LEPROT: variants seen among roughly 807,000 people sequenced by gnomAD.
LEPROT encodes the protein leptin receptor gene-related protein.
Under a neutral mutation model 15.4 loss-of-function variants are expected in LEPROT, and 3 were observed. The observed-to-expected ratio is 0.19, with a 90% CI of 0.09 to 0.50. The LOEUF (loss-of-function observed/expected upper bound fraction) is 0.50, where lower values mean the gene tolerates loss of function less well. Ranked by LOEUF, LEPROT falls within the 20% of genes least tolerant of loss-of-function variation. The probability of loss-of-function intolerance (pLI) is 0.97; values close to 1 mark genes in which losing one functional copy is unlikely to be tolerated. For missense variants in LEPROT, 137 were observed against 162.2 expected, an observed-to-expected ratio of 0.84 and a Z score of 0.84; for synonymous variants, 59 against 57.5, an observed-to-expected ratio of 1.03 and a Z score of -0.12.
intron 1 of LEPROT, chr1:65,421,378 T>C: frequency 3.9e-6 from 6 of 1,536,092 alleles, no homozygotes; most frequent in Non-Finnish European, 5.2e-6. Context: ...GGGCAGTTGG[T>C]AAAAACACCG....
At chr1:65,430,163 T>C (rs1646458759) in intron 3 of LEPROT, 115 bp downstream of exon 3, 7 of 924,974 alleles carry the variant, frequency 7.6e-6, no homozygotes, top group Non-Finnish European at 9.0e-6. Flanking sequence ...AGGCCGTGTG[T>C]TTTTAGTTTC....
chr1:65,425,188 T>C (rs1418426011), intron 1 of LEPROT, 115 bp from the exon 2 acceptor site: 1 of 789,734 alleles, frequency 1.3e-6, no homozygotes, highest in Admixed American at 2.7e-5. Flanking sequence ...GAAAATTTAC[T>C]CATCCGCCAA....
intron 3 of LEPROT, among the ~76,000 whole-genome samples, chr1:65,430,802 A>G (rs1042463537): frequency 6.6e-6 from 1 of 151,806 alleles, no homozygotes; most frequent in Non-Finnish European, 1.5e-5. Context: ...CTGGGTAAGT[A>G]TACTATAAGT....
Position 65,433,381 on chromosome 1 carries a change from ATCCTGTAATCACAGTTT to A in LEPROT, c.*1466_*1482del. The A allele has an allele frequency of 1.0e-6, 1 of 985,430 alleles. No individual in the cohort carries two copies. Among genetic ancestry groups the A allele is most frequent in the Non-Finnish European group, 1.2e-6 (1 of 829,936 alleles). 61.0% of individuals were successfully genotyped at this position (985,430 alleles called of 1,614,324 possible). A position where few individuals can be genotyped will look rare whatever the true frequency, so the allele number is the denominator to read the frequency against. On this transcript the variant is annotated 3_prime_UTR_variant, in exon 4 of 4. Transcript: ENST00000371065. ...TCATTGGGTATACCTGTCATGTTGG[ATCCTGTAATCACAGTTT>A]TCCCTGCTCACCTTTTTGTCTAAGA...
intron 2 of LEPROT, among the ~76,000 whole-genome samples, 182 bp downstream of exon 2, chr1:65,425,560 T>C (rs898607150): frequency 3.9e-5 from 6 of 152,186 alleles, no homozygotes; most frequent in Non-Finnish European, 8.8e-5. Flanking sequence ...TGTTAAAAAT[T>C]GATGTATTCA....
rs1458602720 is a variant in LEPROT, at chr1:65,434,583, G to T, written c.*2664G>T. 1 of 985,426 alleles carries T rather than the reference G, an allele frequency of 1.0e-6. No individual in the cohort carries two copies. Among genetic ancestry groups the T allele is most frequent in the Non-Finnish European group, 1.2e-6 (1 of 829,942 alleles). The allele number at this position is 985,426 out of a possible 1,614,324, so 61.0% of individuals were successfully genotyped here. ...ATACCTAACCTGTGATACTGAAGGT[G>T]CCTGCCTGAGTTTTGGGTCTCTGAG... On this transcript the variant is annotated 3_prime_UTR_variant, in exon 4 of 4. Coordinates refer to ENST00000371065, the MANE Select transcript of LEPROT (RefSeq NM_017526.5).
intron 2 of LEPROT, among the ~76,000 whole-genome samples, chr1:65,426,721 A>G (rs1646379960): frequency 1.3e-5 from 2 of 152,200 alleles, no homozygotes; most frequent in Non-Finnish European, 2.9e-5. Context: ...TGATTAGGCC[A>G]GGCACCATGG....
intron 2 of LEPROT, among the ~76,000 whole-genome samples, chr1:65,426,756 T>C (rs1456984110): frequency 6.6e-6 from 1 of 152,180 alleles, no homozygotes; most frequent in African/African-American, 2.4e-5. Context: ...CCCAGCACTT[T>C]GGGAGGCTGA....
intron 3 of LEPROT, among the ~76,000 whole-genome samples, chr1:65,431,072 C>T (rs561170776): frequency 6.6e-6 from 1 of 152,292 alleles, no homozygotes; most frequent in African/African-American, 2.4e-5. Flanking sequence ...TGGTCTTGAA[C>T]CCCATGCCAG....
At position 65,434,644 on chromosome 1, in the gene LEPROT, G is replaced by T. The variant is rs570673588; in HGVS notation, c.*2725G>T. On this transcript the variant is annotated 3_prime_UTR_variant, in exon 4 of 4. Transcript: ENST00000371065. ...GTGAGTAGTTTGGAGGAAGGACAGT[G>T]CAACTTTCCACCCCTTTTCCTAAGA... The T allele has an allele frequency of 2.3e-5, 23 of 985,390 alleles. 2 individuals carry two copies. The South Asian group carries it at 1.0e-3, about 44-fold the overall frequency. 61.0% of individuals were successfully genotyped at this position (985,390 alleles called of 1,614,324 possible).
At position 65,432,541 on chromosome 1, in the gene LEPROT, TCTGGGTGTTAC is replaced by T. The variant is rs1223124129; in HGVS notation, c.*626_*636del. On this transcript the variant is annotated 3_prime_UTR_variant, in exon 4 of 4. Coordinates refer to ENST00000371065, the MANE Select transcript of LEPROT (RefSeq NM_017526.5). ...TCCAGTGGCTAAACCACTTAACCTC[TCTGGGTGTTAC>T]CTGCTCATTTGTTTAAAAAAAAAAA... is the stretch of plus-strand genomic sequence containing the variant. The T allele has an allele frequency of 1.2e-6, 1 of 838,514 alleles. No individual in the cohort carries two copies. Among genetic ancestry groups the T allele is most frequent in the African/African-American group, 1.9e-5 (1 of 53,738 alleles). 51.9% of individuals were successfully genotyped at this position (838,514 alleles called of 1,614,324 possible). A position where few individuals can be genotyped will look rare whatever the true frequency, so the allele number is the denominator to read the frequency against.
intron 1 of LEPROT, among the ~76,000 whole-genome samples, chr1:65,421,170 CCT>C (rs1646242050): frequency 1.3e-5 from 2 of 152,344 alleles, no homozygotes; most frequent in South Asian, 2.1e-4. Flanking sequence ...GAAACTTAAT[CCT>C]CTTTTTCCTA....
chr1:65,426,997 CAA>C (rs55809705), intron 2 of LEPROT, among the ~76,000 whole-genome samples: 90 of 137,260 alleles, frequency 6.6e-4, no homozygotes, highest in Admixed American at 8.1e-4. Context: ...ACTTTGTCTC[CAA>C]AAAAAAAAAA....
rs1403480454 is a variant in LEPROT, at chr1:65,435,981, A to G, written c.*4062A>G. 3.0e-6 allele frequency: 3 copies of G among 984,332 alleles called. No individual in the cohort carries two copies. Among genetic ancestry groups the G allele is most frequent in the Non-Finnish European group, 3.6e-6 (3 of 829,030 alleles). 61.0% of individuals were successfully genotyped at this position (984,332 alleles called of 1,614,324 possible). A position where few individuals can be genotyped will look rare whatever the true frequency, so the allele number is the denominator to read the frequency against. On this transcript the variant is annotated 3_prime_UTR_variant, in exon 4 of 4. Transcript: ENST00000371065. ...TGATGTGAGAGGACGATTACTTTGT[A>G]AATAAAACTTGTTATTGACATTTTA...
Position 65,432,439 on chromosome 1 carries a change from A to T in LEPROT, c.*520A>T. On this transcript the variant is annotated 3_prime_UTR_variant, in exon 4 of 4. Transcript: ENST00000371065. ...GACCCAGGACATTTTGATGAGATCC[A>T]AAGGAGTTGTATGCACATGAAAGTT... The T allele has an allele frequency of 1.5e-6, 1 of 679,434 alleles. No individual in the cohort carries two copies. The highest frequency in any genetic ancestry group is 1.8e-6 in the Non-Finnish European group (1 of 550,272). The allele number at this position is 679,434 out of a possible 1,614,324, so 42.1% of individuals were successfully genotyped here.
chr1:65,434,053 T>C lies in LEPROT; in HGVS notation c.*2134T>C. The C allele has an allele frequency of 2.0e-6, 2 of 985,394 alleles. No homozygotes were observed. Among genetic ancestry groups the C allele is most frequent in the Non-Finnish European group, 2.4e-6 (2 of 829,874 alleles). 61.0% of individuals were successfully genotyped at this position (985,394 alleles called of 1,614,324 possible). A position where few individuals can be genotyped will look rare whatever the true frequency, so the allele number is the denominator to read the frequency against. Reference sequence around the variant, plus strand: ...GTGTTTTTGTTGCTTATACACATTTTCAATAACCAAGGTAGCCTTCATATG... The same window carrying C: ...GTGTTTTTGTTGCTTATACACATTTCCAATAACCAAGGTAGCCTTCATATG... On this transcript the variant is annotated 3_prime_UTR_variant, in exon 4 of 4. Coordinates refer to ENST00000371065, the MANE Select transcript of LEPROT (RefSeq NM_017526.5).
intron 1 of LEPROT, chr1:65,421,496 G>A (rs1462159767): frequency 4.6e-6 from 7 of 1,535,454 alleles, no homozygotes; most frequent in African/African-American, 4.1e-5. Context: ...GTCGAATAGA[G>A]TAGCATGACT....
rs979328455 is a variant in LEPROT, at chr1:65,435,083, C to A, written c.*3164C>A. 68 of 985,304 alleles carry A rather than the reference C, an allele frequency of 6.9e-5. No individual in the cohort carries two copies. Among genetic ancestry groups the A allele is most frequent in the Non-Finnish European group, 7.8e-5 (65 of 829,960 alleles). 61.0% of individuals were successfully genotyped at this position (985,304 alleles called of 1,614,324 possible). A position where few individuals can be genotyped will look rare whatever the true frequency, so the allele number is the denominator to read the frequency against. ...AGAACGGAATGAAGAAAGATTCCAG[C>A]AGCTTATAGAAGGATAGCAATATTT... On this transcript the variant is annotated 3_prime_UTR_variant, in exon 4 of 4. Coordinates refer to ENST00000371065, the MANE Select transcript of LEPROT (RefSeq NM_017526.5).
rs1273418752 is a variant in LEPROT, at chr1:65,432,372, C to T, written c.*453C>T. On this transcript the variant is annotated 3_prime_UTR_variant, in exon 4 of 4. Transcript: ENST00000371065. ...CACAGACCAAGAGCCTCAACATTTC[C>T]TAGAGCCTTATTAGAAATGCAGAAT... 1 of 957,324 alleles carries T rather than the reference C, an allele frequency of 1.0e-6. No individual in the cohort carries two copies. Among genetic ancestry groups the T allele is most frequent in the East Asian group, 1.1e-4 (1 of 8,736 alleles). The allele number at this position is 957,324 out of a possible 1,614,324, so 59.3% of individuals were successfully genotyped here.
Sources: allele counts gnomAD v4.1 joint callset (sites outside exome capture counted in the v4.1 genomes callset), GRCh38; gene constraint gnomAD v4.1.1; transcripts MANE v1.5; gene names NCBI Gene and HGNC (gene_info 2026-07-23, HGNC 2026-07-21).